IMMP2L: variants seen among roughly 807,000 people sequenced by gnomAD.
IMMP2L encodes inner mitochondrial membrane peptidase subunit 2.
IMMP2L carries 18 observed loss-of-function variants against 19.3 expected under a neutral mutation model. The ratio of observed to expected loss-of-function variants is 0.93; its 90% CI spans 0.64 to 1.38. The LOEUF (loss-of-function observed/expected upper bound fraction) is 1.38. Ranked by LOEUF, IMMP2L falls within the 40% of genes most tolerant of loss-of-function variation. The pLI, the probability that IMMP2L is intolerant of heterozygous loss-of-function variation, is 0.00. For synonymous variants in IMMP2L, 76 were observed against 73.0 expected (o/e 1.04, Z -0.21); for missense variants, 233 against 218.2 (o/e 1.07, Z -0.43).
chr7:111,347,844 T>C (rs1827726133), intron 3 of IMMP2L, among the ~76,000 whole-genome samples: 1 of 152,046 alleles, frequency 6.6e-6, no homozygotes, highest in Admixed American at 6.6e-5. Flanking sequence ...TCCCCACCTT[T>C]CCTCTTTCAT....
intron 3 of IMMP2L, among the ~76,000 whole-genome samples, chr7:110,980,223 G>T (rs6970582): frequency 1 from 137,898 of 138,496 alleles, 68,652 homozygotes; most frequent in Middle Eastern, 1. Context: ...TATTTGTGCT[G>T]CTTCTTTTTT....
intron 3 of IMMP2L, among the ~76,000 whole-genome samples, chr7:111,014,720 A>G (rs1195029944): frequency 6.6e-6 from 1 of 152,182 alleles, no homozygotes; most frequent in Non-Finnish European, 1.5e-5. Flanking sequence ...CTTATATGCA[A>G]CAACAACAAA....
intron 3 of IMMP2L, among the ~76,000 whole-genome samples, chr7:111,250,283 T>C (rs1034863867): frequency 1.3e-5 from 2 of 152,168 alleles, no homozygotes; most frequent in African/African-American, 4.8e-5. Context: ...AAACATTCCA[T>C]GCTCATGGAT....
chr7:110,667,854 A>G (rs1314827452), intron 5 of IMMP2L, among the ~76,000 whole-genome samples: 1 of 152,232 alleles, frequency 6.6e-6, no homozygotes, highest in East Asian at 1.9e-4. Context: ...CAAAAAGTAT[A>G]CAAAGAGAAA....
intron 4 of IMMP2L, among the ~76,000 whole-genome samples, chr7:110,957,606 C>A (rs1818487290): frequency 6.6e-6 from 1 of 151,906 alleles, no homozygotes; most frequent in Non-Finnish European, 1.5e-5. Flanking sequence ...CTCTGAAAAC[C>A]TCTCAGATCT....
At chr7:111,203,656 A>G (rs760751023) in intron 3 of IMMP2L, among the ~76,000 whole-genome samples, 6 of 150,708 alleles carry the variant, frequency 4.0e-5, no homozygotes, top group Non-Finnish European at 8.8e-5. Flanking sequence ...TGCTTCTATC[A>G]CCATCAAACA....
At chr7:110,779,864 G>C (rs183335544) in intron 5 of IMMP2L, among the ~76,000 whole-genome samples, 1 of 151,758 alleles carries the variant, frequency 6.6e-6, no homozygotes, top group African/African-American at 2.4e-5. Context: ...CAGGAGTAAA[G>C]TTCCTAGGGA....
chr7:110,766,973 G>C (rs567880501), intron 5 of IMMP2L, among the ~76,000 whole-genome samples: 1 of 152,048 alleles, frequency 6.6e-6, no homozygotes, highest in Non-Finnish European at 1.5e-5. Context: ...TCCTGTCTGC[G>C]TGAGGGGAGA....
At chr7:111,000,443 A>C (rs1229210073) in intron 3 of IMMP2L, among the ~76,000 whole-genome samples, 2 of 152,214 alleles carry the variant, frequency 1.3e-5, no homozygotes, top group African/African-American at 2.4e-5. Flanking sequence ...TGTAATAGAA[A>C]TGACAATAAG....
Position 110,883,082 on chromosome 7 carries a change from CA to C in IMMP2L, c.408+3510del, listed in dbSNP as rs369915108. Among the ~76,000 whole-genome samples, 73 of 152,190 alleles carry C rather than the reference CA, an allele frequency of 4.8e-4. No individual in the cohort carries two copies. In the South Asian group the frequency reaches 5.0e-3, roughly 10 times the overall value. On this transcript the variant is annotated intron_variant, in intron 5 of 5. Coordinates refer to ENST00000405709, the MANE Select transcript of IMMP2L (RefSeq NM_032549.4). ...TTTTCACTGGTTTTTAAAAAGTGAA[CA>C]TTTTTTTGCGCTTTATAAACTTCAA...
chr7:110,899,786 C>CTATA (rs1402862297), intron 4 of IMMP2L, among the ~76,000 whole-genome samples: 1 of 152,138 alleles, frequency 6.6e-6, no homozygotes, highest in Non-Finnish European at 1.5e-5. Context: ...ATCAGAGCAC[C>CTATA]TGTATGTTTG....
intron 3 of IMMP2L, among the ~76,000 whole-genome samples, chr7:111,374,383 G>C (rs1830503347): frequency 6.6e-6 from 1 of 151,782 alleles, no homozygotes; most frequent in Non-Finnish European, 1.5e-5. Context: ...CATCCTAGAA[G>C]AACAACTAAG....
intron 3 of IMMP2L, among the ~76,000 whole-genome samples, chr7:111,473,444 T>A (rs1841446102): frequency 6.6e-6 from 1 of 152,108 alleles, no homozygotes; most frequent in African/African-American, 2.4e-5. Context: ...TCCTTAAAAG[T>A]TTTCAAGTTT....
Position 111,451,873 on chromosome 7 carries a change from A to G in IMMP2L, c.239+35365T>C, listed in dbSNP as rs1839232276. Among the ~76,000 whole-genome samples, 6 of 152,200 alleles carry G rather than the reference A, an allele frequency of 3.9e-5. 1 individual carries two copies. The South Asian group carries it at 1.2e-3, about 32-fold the overall frequency. On this transcript the variant is annotated intron_variant, in intron 3 of 5. Coordinates refer to ENST00000405709, the MANE Select transcript of IMMP2L (RefSeq NM_032549.4). ...CACTAGAAGCATATGCAAGAAATCA[A>G]TATATACTTTTTTAAAAGAAAGGAT...
At chr7:111,188,551 T>A (rs1307533158) in intron 3 of IMMP2L, among the ~76,000 whole-genome samples, 2 of 152,104 alleles carry the variant, frequency 1.3e-5, no homozygotes, top group Non-Finnish European at 2.9e-5. Context: ...TATTTGGAGT[T>A]AAGATTTCAA....
chr7:111,300,551 T>C (rs1292615186), intron 3 of IMMP2L, among the ~76,000 whole-genome samples: 1 of 152,062 alleles, frequency 6.6e-6, no homozygotes, highest in African/African-American at 2.4e-5. Flanking sequence ...AGTCAAAATA[T>C]AAAACAATTC....
rs141731922 is a variant in IMMP2L, at chr7:110,931,694, C to G, written c.305+31806G>C. 1.8e-4 allele frequency among the ~76,000 whole-genome samples: 28 copies of G among 152,248 alleles called. 2 individuals carry two copies. In the East Asian group the frequency reaches 3.5e-3, roughly 19 times the overall value. On this transcript the variant is annotated intron_variant, in intron 4 of 5. Transcript: ENST00000405709. Reference sequence around the variant, plus strand: ...CCAATGATCACTTAAACATATTAATCAAATCATGTCACCTGCCTGTTTTAA... The same window carrying G: ...CCAATGATCACTTAAACATATTAATGAAATCATGTCACCTGCCTGTTTTAA...
chr7:111,417,379 G>T (rs1162960834), intron 3 of IMMP2L, among the ~76,000 whole-genome samples: 1 of 151,788 alleles, frequency 6.6e-6, no homozygotes, highest in Non-Finnish European at 1.5e-5. Flanking sequence ...TTCAGTTTGG[G>T]TGATACATTC....
At chr7:111,468,875 C>T (rs1001224057) in intron 3 of IMMP2L, among the ~76,000 whole-genome samples, 1 of 151,950 alleles carries the variant, frequency 6.6e-6, no homozygotes, top group Non-Finnish European at 1.5e-5. Context: ...TGACTTGTGA[C>T]TAAATATGAT....
Sources: gnomAD v4.1 joint callset for allele counts (sites outside exome capture counted in the v4.1 genomes callset) on GRCh38, gnomAD v4.1.1 for gene constraint, MANE v1.5 for transcripts, NCBI Gene and HGNC (gene_info 2026-07-23, HGNC 2026-07-21) for gene names.